HERC2: variants seen among roughly 807,000 people sequenced by gnomAD.
HERC2 encodes HECT and RLD domain containing E3 ubiquitin protein ligase 2.
A neutral mutation model predicts 537.7 loss-of-function variants in HERC2; 102 were observed. That is an observed-to-expected ratio of 0.19 (90% CI 0.16 to 0.22). The LOEUF is 0.22. Ranked by LOEUF, HERC2 falls within the 10% of genes least tolerant of loss-of-function variation. The probability of loss-of-function intolerance (pLI) is 1.00; values close to 1 mark genes in which losing one functional copy is unlikely to be tolerated. For synonymous variants in HERC2, 2,224 were observed against 2,466.2 expected (o/e 0.90, Z 2.91); for missense variants, 4,236 against 6,198.2 (o/e 0.68, Z 10.63).
intron 21 of HERC2, among the ~76,000 whole-genome samples, chr15:28,247,421 CTTTTTTTT>C (rs71132843): frequency 1.3e-5 from 1 of 76,180 alleles, no homozygotes; most frequent in Non-Finnish European, 2.3e-5. Context: ...CTACATGGTT[CTTTTTTTT>C]TTTTTTTTTT....
At chr15:28,255,333 C>CA (rs1047655648) in intron 19 of HERC2, among the ~76,000 whole-genome samples, 5 of 148,904 alleles carry the variant, frequency 3.4e-5, no homozygotes, top group Admixed American at 6.7e-5. Context: ...GACGCTGTCT[C>CA]AAAAAAAAAG....
Position 28,220,567 on chromosome 15 carries a change from T to C in HERC2, c.5730A>G (p.Thr1910=). The change falls in exon 37 of 93, where the codon ACA becomes ACG. Residue 1910 remains threonine, a synonymous_variant. Transcript: ENST00000261609. ...CCATCCTGTAGGAGTTGGTGCTGCCTGTGTCCCACTGGACTCTTATCCATC... is the reference window on the plus strand; with the variant it reads ...CCATCCTGTAGGAGTTGGTGCTGCCCGTGTCCCACTGGACTCTTATCCATC... ...EDGWIRVQWD[T]GSTNSYRMGK... The C allele has an allele frequency of 6.2e-7, 1 of 1,601,670 alleles. No homozygotes were observed. The highest frequency in any genetic ancestry group is 8.5e-7 in the Non-Finnish European group (1 of 1,179,786).
intron 56 of HERC2, among the ~76,000 whole-genome samples, chr15:28,183,007 G>A (rs1270993734): frequency 2.0e-5 from 3 of 152,120 alleles, no homozygotes; most frequent in Non-Finnish European, 2.9e-5. Context: ...ACATGACCAT[G>A]GAGTTACTTT....
chr15:28,272,298 T>C lies in HERC2; in HGVS notation c.1000A>G (p.Ser334Gly). 6.2e-7 allele frequency: 1 copy of C among 1,612,554 alleles called. No homozygotes were observed. The highest frequency in any genetic ancestry group is 1.1e-5 in the South Asian group (1 of 90,588). ...TGCAGCAAGGGCAAAAGTGGGGCGC[T>C]GGTGCCCTGGGCGGAACGCTCATTG... ...TDNERSAQGT[S>G]APLLPLLQRF... The change falls in exon 9 of 93, where the codon AGC becomes GGC. Residue 334 changes from serine to glycine, a missense_variant. Ser to Gly is a moderately conservative substitution (Grantham distance 56, BLOSUM62 0). Around this residue, in one of 27 missense-constraint regions of HERC2, gnomAD observed 491 missense variants for 559.3 expected, o/e 0.88. Transcript: ENST00000261609.
chr15:28,158,672 G>C (rs1319254499), intron 69 of HERC2, among the ~76,000 whole-genome samples: 2 of 152,052 alleles, frequency 1.3e-5, no homozygotes, highest in African/African-American at 4.8e-5. Context: ...CACACTGATG[G>C]GTCTTGACTC....
intron 30 of HERC2, among the ~76,000 whole-genome samples, chr15:28,231,338 A>T (rs1901818480): frequency 6.6e-6 from 1 of 151,916 alleles, no homozygotes; most frequent in Admixed American, 6.6e-5. Flanking sequence ...CCTGCCTGAG[A>T]AGTTTTTTGG....
Position 28,274,888 on chromosome 15 carries a change from C to T in HERC2, c.643+17G>A, listed in dbSNP as rs771931046. 6.3e-7 allele frequency: 1 copy of T among 1,597,780 alleles called. No homozygotes were observed. The highest frequency in any genetic ancestry group is 1.1e-5 in the South Asian group (1 of 90,814). Reference sequence around the variant, plus strand: ...GTATTAGGGAAGCAGAACAACGCGCCACACCAGGGACCGTACCTGATCGCC... The same window carrying T: ...GTATTAGGGAAGCAGAACAACGCGCTACACCAGGGACCGTACCTGATCGCC... On this transcript the variant is annotated intron_variant, in intron 6 of 92. Coordinates refer to ENST00000261609, the MANE Select transcript of HERC2 (RefSeq NM_004667.6).
chr15:28,129,525 A>T (rs1282811741), intron 83 of HERC2, among the ~76,000 whole-genome samples: 1 of 152,236 alleles, frequency 6.6e-6, no homozygotes, highest in Non-Finnish European at 1.5e-5. Flanking sequence ...AGGCACAGTG[A>T]ACCACACCTA....
At position 28,214,130 on chromosome 15, in the gene HERC2, G is replaced by A. The variant is rs1899592423; in HGVS notation, c.6501C>T (p.Ile2167=). ...TQWNGLINKY[I]NSQLRSITHS... ...GGGTGATGGAGCGGAGCTGGGAGTTGATGTACTTGTTGATGAGCCCATTCC... is the reference window on the plus strand; with the variant it reads ...GGGTGATGGAGCGGAGCTGGGAGTTAATGTACTTGTTGATGAGCCCATTCC... The change falls in exon 41 of 93, where the codon ATC becomes ATT. Residue 2167 remains isoleucine (I), a synonymous_variant. Coordinates refer to ENST00000261609, the MANE Select transcript of HERC2 (RefSeq NM_004667.6). The A allele has an allele frequency of 6.2e-7, 1 of 1,614,158 alleles. No individual in the cohort carries two copies. Among genetic ancestry groups the A allele is most frequent in the African/African-American group, 1.3e-5 (1 of 75,064 alleles).
At chr15:28,155,994 T>C (rs1307152825) in intron 69 of HERC2, among the ~76,000 whole-genome samples, 1 of 152,224 alleles carries the variant, frequency 6.6e-6, no homozygotes, top group Non-Finnish European at 1.5e-5. Context: ...TAGCCAGTTT[T>C]CCCAGCACCA....
At chr15:28,257,382 G>C (rs1404840560) in intron 16 of HERC2, 121 bp from the exon 17 acceptor site, 8 of 778,364 alleles carry the variant, frequency 1.0e-5, no homozygotes, top group Non-Finnish European at 1.7e-5. Flanking sequence ...CCCTCGAACT[G>C]CCCAGTCCAA....
chr15:28,235,580 T>G (rs1441383876), intron 26 of HERC2, among the ~76,000 whole-genome samples: 1 of 152,184 alleles, frequency 6.6e-6, no homozygotes, highest in African/African-American at 2.4e-5. Flanking sequence ...AGGAGAGCCC[T>G]GCTCCTCTCA....
At chr15:28,284,885 C>G (rs1413249522) in intron 4 of HERC2, among the ~76,000 whole-genome samples, 1 of 142,800 alleles carries the variant, frequency 7.0e-6, no homozygotes, top group Non-Finnish European at 1.5e-5. Flanking sequence ...CCACTTCACT[C>G]CTGCCTGGGC....
intron 2 of HERC2, among the ~76,000 whole-genome samples, chr15:28,308,405 T>C (rs925869306): frequency 6.6e-6 from 1 of 152,276 alleles, no homozygotes; most frequent in Non-Finnish European, 1.5e-5. Context: ...GTTGATTTCG[T>C]ATACTGCAAT....
At position 28,132,659 on chromosome 15, in the gene HERC2, C is replaced by T. The variant is rs763175679; in HGVS notation, c.12402G>A (p.Pro4134=). 14 of 1,524,604 alleles carry T rather than the reference C, an allele frequency of 9.2e-6. No homozygotes were observed. Among genetic ancestry groups the T allele is most frequent in the East Asian group, 5.0e-5 (2 of 40,230 alleles). The allele number at this position is 1,524,604 out of a possible 1,614,324, so 94.4% of individuals were successfully genotyped here. A position where few individuals can be genotyped will look rare whatever the true frequency, so the allele number is the denominator to read the frequency against. Residue 4134 remains proline, a synonymous_variant, in exon 80 of 93, where the codon CCG becomes CCA. Coordinates refer to ENST00000261609, the MANE Select transcript of HERC2 (RefSeq NM_004667.6). ...GHSDSEDQLK[P]KLVEALQGHR... is the part of the protein sequence containing the mutation. Reference sequence around the variant, plus strand: ...GCACACGGCGCCTCCTCACCAGCTTCGGCTTCAGCTGGTCCTCACTGTCGC... The same window carrying T: ...GCACACGGCGCCTCCTCACCAGCTTTGGCTTCAGCTGGTCCTCACTGTCGC...
chr15:28,155,100 C>CT (rs1158176564), intron 69 of HERC2, among the ~76,000 whole-genome samples: 1 of 152,062 alleles, frequency 6.6e-6, no homozygotes, highest in African/African-American at 2.4e-5. Context: ...TGAACTCATC[C>CT]TTTTTTATGG....
intron 59 of HERC2, among the ~76,000 whole-genome samples, chr15:28,178,294 G>A (rs1312469196): frequency 6.6e-6 from 1 of 152,228 alleles, no homozygotes; most frequent in East Asian, 1.9e-4. Flanking sequence ...CCTGGACTCT[G>A]GGGGCGAGAG....
intron 78 of HERC2, among the ~76,000 whole-genome samples, chr15:28,136,860 G>GA (rs1421404753): frequency 1.3e-5 from 2 of 152,148 alleles, no homozygotes; most frequent in Non-Finnish European, 2.9e-5. Flanking sequence ...CAAACAATCA[G>GA]AATTAACCAA....
At chr15:28,272,003 T>C in intron 9 of HERC2, 1 of 553,334 alleles carries the variant, frequency 1.8e-6, no homozygotes, top group Non-Finnish European at 3.2e-6. Context: ...TCAAGCTTGG[T>C]TTTGTGCTGA....
Sources: allele counts gnomAD v4.1 joint callset (sites outside exome capture counted in the v4.1 genomes callset), GRCh38; gene constraint gnomAD v4.1.1; regional missense constraint gnomAD v4.1.1; transcripts MANE v1.5; gene names NCBI Gene and HGNC (gene_info 2026-07-23, HGNC 2026-07-21).